The following SCMH1 variants were observed in gnomAD, a reference collection of about 807,000 sequenced individuals.
SCMH1 encodes Scm polycomb group protein homolog 1.
A neutral mutation model predicts 70.8 loss-of-function variants in SCMH1; 37 were observed. The observed-to-expected ratio is 0.52, with a 90% CI of 0.40 to 0.69. SCMH1 has a LOEUF of 0.69. SCMH1 is among the 30% of genes least tolerant of loss of function. The pLI is 0.00. For synonymous variants in SCMH1, 292 were observed against 307.4 expected, an observed-to-expected ratio of 0.95 and a Z score of 0.52; for missense variants, 607 against 827.3, an observed-to-expected ratio of 0.73 and a Z score of 3.27.
rs1048819329 is a variant in SCMH1 at position 41,038,527 on chromosome 1, T to C, written c.1499-986A>G. ...GAACACTAAATTTGAGCACATGGTT[T>C]GGCACACAGTAAGGCCTCAATGTTA... On this transcript the variant is annotated intron_variant, in intron 12 of 14. Coordinates refer to ENST00000337495, the Ensembl canonical transcript of SCMH1. 4.6e-5 allele frequency among the ~76,000 whole-genome samples: 7 copies of C among 152,322 alleles called. No homozygotes were observed. In the East Asian group the frequency reaches 1.3e-3, roughly 29 times the overall value.
chr1:41,068,406 A>G (rs1655392539), intron 10 of SCMH1, among the ~76,000 whole-genome samples: 1 of 151,200 alleles, frequency 6.6e-6, no homozygotes, highest in Non-Finnish European at 1.5e-5. Context: ...AATTGATTAA[A>G]GAATTTTTTT....
intron 6 of SCMH1, among the ~76,000 whole-genome samples, chr1:41,127,607 C>T (rs1673534315): frequency 6.6e-6 from 1 of 152,140 alleles, no homozygotes; most frequent in Admixed American, 6.6e-5. Context: ...AATATGCCAA[C>T]CACTATGGAC....
intron 1 of SCMH1, among the ~76,000 whole-genome samples, chr1:41,210,843 T>C (rs1656846343): frequency 6.6e-6 from 1 of 151,562 alleles, no homozygotes; most frequent in African/African-American, 2.4e-5. Context: ...GGAGTCTTGC[T>C]CTGTCACTCA....
At chr1:41,063,853 C>G (rs1653671518) in intron 10 of SCMH1, among the ~76,000 whole-genome samples, 1 of 152,104 alleles carries the variant, frequency 6.6e-6, no homozygotes, top group South Asian at 2.1e-4. Context: ...AGGAAAGTAC[C>G]AGGCTTAGAT....
chr1:41,035,141 A>G (rs950766176), intron 13 of SCMH1, among the ~76,000 whole-genome samples: 6 of 152,154 alleles, frequency 3.9e-5, no homozygotes, highest in Admixed American at 3.9e-4. Flanking sequence ...ATTATATCAC[A>G]AAGTTCTTTG....
Position 41,125,512 on chromosome 1 carries a change from C to A in SCMH1, c.413-8502G>T, listed in dbSNP as rs1463149095. 2.6e-5 allele frequency among the ~76,000 whole-genome samples: 4 copies of A among 150,950 alleles called. No individual in the cohort carries two copies. In the Admixed American group the frequency reaches 2.7e-4, roughly 10 times the overall value. On this transcript the variant is annotated intron_variant, in intron 6 of 14. Coordinates refer to ENST00000337495, the Ensembl canonical transcript of SCMH1. ...GATTACAGGTGTGAGCCACTTTGCC[C>A]AGCCTCATTCCTTCTATATTTATTG...
chr1:41,179,793 G>A (rs892374363), intron 2 of SCMH1, among the ~76,000 whole-genome samples: 1 of 152,156 alleles, frequency 6.6e-6, no homozygotes, highest in Non-Finnish European at 1.5e-5. Context: ...GTACAAGGAG[G>A]ACCTGGTACC....
chr1:41,049,712 A>G (rs1345547691), intron 10 of SCMH1, among the ~76,000 whole-genome samples: 6 of 148,824 alleles, frequency 4.0e-5, no homozygotes, highest in Admixed American at 6.8e-5. Context: ...GCTTGCAGTG[A>G]GCCGAGATTG....
intron 2 of SCMH1, among the ~76,000 whole-genome samples, chr1:41,165,431 A>G (rs1010370872): frequency 1.3e-5 from 2 of 152,024 alleles, no homozygotes; most frequent in African/African-American, 2.4e-5. Flanking sequence ...TCATATGGTA[A>G]TTCTATTTTC....
At chr1:41,068,736 T>A (rs1655516225) in intron 10 of SCMH1, among the ~76,000 whole-genome samples, 1 of 152,168 alleles carries the variant, frequency 6.6e-6, no homozygotes, top group Non-Finnish European at 1.5e-5. Flanking sequence ...AATAAAAGTG[T>A]CCAGTATGGT....
At position 41,196,503 on chromosome 1, in the gene SCMH1, G is replaced by A. The variant is rs896328511; in HGVS notation, c.-117-10253C>T. Among the ~76,000 whole-genome samples, 12 of 152,236 alleles carry A rather than the reference G, an allele frequency of 7.9e-5. 1 individual carries two copies. In the South Asian group the frequency reaches 2.5e-3, roughly 32 times the overall value. ...ACTGAATATCCAGATGCAGGAGAAT[G>A]AAGTTGAATACTTACCTTATACCAT... On this transcript the variant is annotated intron_variant, in intron 1 of 14. Coordinates refer to ENST00000337495, the Ensembl canonical transcript of SCMH1.
intron 1 of SCMH1, among the ~76,000 whole-genome samples, chr1:41,228,729 G>C (rs1165302415): frequency 6.7e-6 from 1 of 150,224 alleles, no homozygotes; most frequent in East Asian, 1.9e-4. Context: ...CTGGGTGACA[G>C]AGCAAGATCC....
intron 5 of SCMH1, among the ~76,000 whole-genome samples, chr1:41,148,632 T>C (rs1008700062): frequency 1.3e-5 from 2 of 152,178 alleles, no homozygotes; most frequent in Non-Finnish European, 2.9e-5. Flanking sequence ...ACATTAGTTA[T>C]CCTATATATA....
chr1:41,122,264 G>C (rs186757387), intron 6 of SCMH1, among the ~76,000 whole-genome samples: 1 of 151,942 alleles, frequency 6.6e-6, no homozygotes, highest in East Asian at 1.9e-4. Context: ...CCTATTCATT[G>C]GTCTTTCTGT....
intron 2 of SCMH1, among the ~76,000 whole-genome samples, chr1:41,181,096 G>A (rs1442519612): frequency 6.6e-6 from 1 of 152,188 alleles, no homozygotes; most frequent in Non-Finnish European, 1.5e-5. Context: ...AAGAAATGGG[G>A]AAACGATTCC....
chr1:41,092,246 A>G (rs1663768331), intron 8 of SCMH1, among the ~76,000 whole-genome samples: 1 of 152,228 alleles, frequency 6.6e-6, no homozygotes, highest in Admixed American at 6.5e-5. Context: ...GATCTTTGAC[A>G]AACCTGAGAA....
intron 1 of SCMH1, among the ~76,000 whole-genome samples, chr1:41,204,001 G>A (rs908723500): frequency 2.6e-5 from 4 of 152,108 alleles, no homozygotes; most frequent in Non-Finnish European, 5.9e-5. Flanking sequence ...GGGTCTCCCC[G>A]ACCGAGCTGG....
intron 8 of SCMH1, among the ~76,000 whole-genome samples, chr1:41,078,939 G>GTATT (rs1346629395): frequency 6.6e-6 from 1 of 152,208 alleles, no homozygotes; most frequent in Admixed American, 6.5e-5. Context: ...TATAATATAT[G>GTATT]TATTAATAAG....
chr1:41,099,561 G>C (rs1210886741), intron 8 of SCMH1, among the ~76,000 whole-genome samples: 1 of 152,170 alleles, frequency 6.6e-6, no homozygotes, highest in African/African-American at 2.4e-5. Flanking sequence ...ATGAAAGAAA[G>C]AACACTGACT....
Sources: allele counts gnomAD v4.1 joint callset (sites outside exome capture counted in the v4.1 genomes callset), GRCh38; gene constraint gnomAD v4.1.1; transcripts MANE v1.5; gene names NCBI Gene and HGNC (gene_info 2026-07-23, HGNC 2026-07-21).